Variants in KLB observed in about 807,000 individuals in gnomAD.
KLB encodes klotho beta.
A neutral mutation model predicts 88.4 loss-of-function variants in KLB; 44 were observed. That is an observed-to-expected ratio of 0.50 (90% confidence interval 0.39 to 0.64). The LOEUF is 0.64. Among genes scored for constraint, KLB ranks in the 30% least tolerant of loss-of-function variants. KLB has a pLI of 0.00. For missense variants in KLB, 1,137 were observed against 1,304.8 expected, an observed-to-expected ratio of 0.87 and a Z score of 1.98; for synonymous variants, 548 against 513.4, an observed-to-expected ratio of 1.07 and a Z score of -0.91.
intron 1 of KLB, among the ~76,000 whole-genome samples, chr4:39,424,392 G>C (rs1009650655): frequency 6.6e-6 from 1 of 151,676 alleles, no homozygotes; most frequent in Non-Finnish European, 1.5e-5. Flanking sequence ...TATAGCCTTA[G>C]AGTCCTTTTT....
chr4:39,410,105 C>A (rs1354423872), intron 1 of KLB, among the ~76,000 whole-genome samples: 2 of 151,968 alleles, frequency 1.3e-5, no homozygotes, highest in East Asian at 1.9e-4. Flanking sequence ...GTTTATTTAA[C>A]CTTTGTATAA....
chr4:39,434,574 GA>G lies in KLB; in HGVS notation c.1191del (p.Glu398LysfsTer3), dbSNP rs1743430359. 1 of 1,614,038 alleles carries G rather than the reference GA, an allele frequency of 6.2e-7. No homozygotes were observed. On this transcript the variant is annotated frameshift_variant, in exon 2 of 5. Coordinates refer to ENST00000257408, the MANE Select transcript of KLB (RefSeq NM_175737.4). LOFTEE classifies it high-confidence loss of function. ...GGACAAAATGTTTCACTTAATTTAAGAGAAGCGCTGAACTGGATTAAACTGG... is the reference window on the plus strand; with the variant it reads ...GGACAAAATGTTTCACTTAATTTAAGGAAGCGCTGAACTGGATTAAACTGG... ...KMGQNVSLNL[R>X]EALNWIKLEY...
chr4:39,416,863 C>T (rs1046564347), intron 1 of KLB, among the ~76,000 whole-genome samples: 2 of 152,166 alleles, frequency 1.3e-5, no homozygotes, highest in Middle Eastern at 3.2e-3. Flanking sequence ...TCTTTGCCAA[C>T]GGACTGCTGC....
At chr4:39,430,122 G>A (rs1484882618) in intron 1 of KLB, among the ~76,000 whole-genome samples, 3 of 152,272 alleles carry the variant, frequency 2.0e-5, no homozygotes, top group South Asian at 2.1e-4. Flanking sequence ...TTTTTATCAC[G>A]ACTTAGGTCA....
chr4:39,428,767 C>T (rs918668831), intron 1 of KLB, among the ~76,000 whole-genome samples: 4 of 152,158 alleles, frequency 2.6e-5, no homozygotes, highest in Admixed American at 6.6e-5. Context: ...AGCGCAGTGG[C>T]GTGATCTCGG....
Position 39,407,654 on chromosome 4 carries a change from T to C in KLB, c.705T>C (p.Tyr235=), listed in dbSNP as rs1742759986. 4.3e-6 allele frequency: 7 copies of C among 1,613,928 alleles called. No homozygotes were observed. Among genetic ancestry groups the C allele is most frequent in the Non-Finnish European group, 5.9e-6 (7 of 1,179,912 alleles). Residue 235 remains tyrosine (Y), a synonymous_variant, in exon 1 of 5, where the codon TAT becomes TAC. Coordinates refer to ENST00000257408, the MANE Select transcript of KLB (RefSeq NM_175737.4). ...CFQMFGDRVK[Y]WITIHNPYLV... The stretch of plus-strand genomic sequence containing the variant: ...AGATGTTTGGGGACCGTGTCAAATA[T>C]TGGATTACAATTCACAACCCATATC...
At chr4:39,438,202 TGATGGA>T (rs1280199796) in intron 3 of KLB, among the ~76,000 whole-genome samples, 1 of 152,128 alleles carries the variant, frequency 6.6e-6, no homozygotes, top group African/African-American at 2.4e-5. Flanking sequence ...TCATAATTGG[TGATGGA>T]GATGGAGAGG....
At position 39,448,955 on chromosome 4, in the gene KLB, A is replaced by G; in HGVS notation, c.*269A>G. The stretch of plus-strand genomic sequence containing the variant: ...TACATTGCTTCTTAAAGTTTCATCA[A>G]CTGTATTCCATCATTCTGCTTTAGC... On this transcript the variant is annotated 3_prime_UTR_variant, in exon 5 of 5. Transcript: ENST00000257408. 1 of 350,186 alleles carries G rather than the reference A, an allele frequency of 2.9e-6. No homozygotes were observed. Among genetic ancestry groups the G allele is most frequent in the East Asian group, 4.8e-5 (1 of 20,816 alleles). The allele number at this position is 350,186 out of a possible 1,614,324, so 21.7% of individuals were successfully genotyped here.
chr4:39,407,021 A>T lies in KLB; in HGVS notation c.72A>T (p.Thr24=). The T allele has an allele frequency of 1.2e-6, 2 of 1,614,140 alleles. No individual in the cohort carries two copies. Among genetic ancestry groups the T allele is most frequent in the South Asian group, 2.2e-5 (2 of 91,072 alleles). ...TCTTCAGCACTGATGAAATAACCAC[A>T]CGCTATAGGAATACAATGTCCAACG... The part of the protein sequence containing the change: ...WIFFSTDEIT[T]RYRNTMSNGG... Residue 24 remains threonine, a synonymous_variant, in exon 1 of 5, where the codon ACA becomes ACT. Transcript: ENST00000257408.
chr4:39,441,140 G>A (rs530924767), intron 3 of KLB, among the ~76,000 whole-genome samples: 22 of 152,278 alleles, frequency 1.4e-4, no homozygotes, highest in African/African-American at 4.8e-4. Context: ...ACAGGTGTGA[G>A]GCACTGCACC....
chr4:39,448,895 C>T lies in KLB; in HGVS notation c.*209C>T. The T allele has an allele frequency of 1.9e-6, 1 of 536,242 alleles. No homozygotes were observed. The highest frequency in any genetic ancestry group is 3.3e-6 in the Non-Finnish European group (1 of 304,378). The allele number at this position is 536,242 out of a possible 1,614,324, so 33.2% of individuals were successfully genotyped here. A position where few individuals can be genotyped will look rare whatever the true frequency, so the allele number is the denominator to read the frequency against. ...CAGTTCTTGGATGTAAACATAAAGG[C>T]TTCATCCTGACAGTAAGCTATGAGG... On this transcript the variant is annotated 3_prime_UTR_variant, in exon 5 of 5. Transcript: ENST00000257408.
rs1743889458 is a variant in KLB at position 39,451,181 on chromosome 4, C to T, written c.*2495C>T. The T allele has an allele frequency of 6.6e-6, 1 of 152,126 alleles. No individual in the cohort carries two copies. The highest frequency in any genetic ancestry group is 1.5e-5 in the Non-Finnish European group (1 of 68,036). The allele number at this position is 152,126 out of a possible 1,614,324, so 9.4% of individuals were successfully genotyped here. Reference sequence around the variant, plus strand: ...TCCAAAAACCCTTAAATTTTTTAACCACTGGCAAATATGTACAGCAAATTA... The same window carrying T: ...TCCAAAAACCCTTAAATTTTTTAACTACTGGCAAATATGTACAGCAAATTA... On this transcript the variant is annotated 3_prime_UTR_variant, in exon 5 of 5. Coordinates refer to ENST00000257408, the MANE Select transcript of KLB (RefSeq NM_175737.4).
chr4:39,418,390 C>T (rs1358879907), intron 1 of KLB, among the ~76,000 whole-genome samples: 1 of 152,004 alleles, frequency 6.6e-6, no homozygotes, highest in Non-Finnish European at 1.5e-5. Flanking sequence ...CAGGCGTGAG[C>T]CACCGTGCCA....
chr4:39,432,114 C>G lies in KLB; in HGVS notation c.826-2096C>G, dbSNP rs555073393. Among the ~76,000 whole-genome samples the G allele has an allele frequency of 5.9e-5, 9 of 152,214 alleles. No individual in the cohort carries two copies. The East Asian group carries it at 1.5e-3, about 26-fold the overall frequency. ...CCAGCCTGGCCAACATGGTGGAGCC[C>G]CACCTCTACTAAAAATACAAAAATT... On this transcript the variant is annotated intron_variant, in intron 1 of 4. Coordinates refer to ENST00000257408, the MANE Select transcript of KLB (RefSeq NM_175737.4).
Position 39,437,765 on chromosome 4 carries a change from G to T in KLB, c.1375G>T (p.Ala459Ser), listed in dbSNP as rs1356375826. Residue 459 changes from alanine (A) to serine (S), a missense_variant, in exon 3 of 5, where the codon GCC becomes TCC. Transcript: ENST00000257408. ...LDEIRVFGYT[A>S]WSLLDGFEWQ... ...TGAAATACGAGTGTTTGGTTATACT[G>T]CCTGGTCTCTCCTGGATGGCTTTGA... 3 of 1,613,740 alleles carry T rather than the reference G, an allele frequency of 1.9e-6. No individual in the cohort carries two copies. In the African/African-American group the frequency reaches 4.0e-5, roughly 22 times the overall value.
In KLB at chr4:39,443,377, C is replaced by A. The variant is rs139421874; in HGVS notation, c.1606-2955C>A. Among the ~76,000 whole-genome samples the A allele has an allele frequency of 1.5e-4, 23 of 151,020 alleles. No individual in the cohort carries two copies. The East Asian group carries it at 4.5e-3, about 29-fold the overall frequency. ...AGACCCTGTCCCTCCTCCCTACTCCCCCCAAAAAAAAGAAAAAAGAAAAAA... is the reference window on the plus strand; with the variant it reads ...AGACCCTGTCCCTCCTCCCTACTCCACCCAAAAAAAAGAAAAAAGAAAAAA... On this transcript the variant is annotated intron_variant, in intron 3 of 4. Transcript: ENST00000257408.
rs1742991752 is a variant in KLB at position 39,417,593 on chromosome 4, C to G, written c.825+9819C>G. Reference sequence around the variant, plus strand: ...TACAGGCATGAGCCATTGCACCCAGCCCAAAATGCTTTTTTAAAAAAAAGA... The same window carrying G: ...TACAGGCATGAGCCATTGCACCCAGGCCAAAATGCTTTTTTAAAAAAAAGA... On this transcript the variant is annotated intron_variant, in intron 1 of 4. Coordinates refer to ENST00000257408, the MANE Select transcript of KLB (RefSeq NM_175737.4). Among the ~76,000 whole-genome samples, 2 of 151,852 alleles carry G rather than the reference C, an allele frequency of 1.3e-5. 1 individual carries two copies. Among genetic ancestry groups the G allele is most frequent in the Admixed American group, 1.3e-4 (2 of 15,228 alleles).
intron 3 of KLB, among the ~76,000 whole-genome samples, chr4:39,443,773 A>G (rs922732480): frequency 1.3e-4 from 19 of 150,210 alleles, no homozygotes; most frequent in East Asian, 6.0e-4. Context: ...AAAAAAAAAA[A>G]AAAAGAAAAA....
At chr4:39,448,113 A>G (rs1209280277) in intron 4 of KLB, among the ~76,000 whole-genome samples, 188 bp from the exon 5 acceptor site, 1 of 152,188 alleles carries the variant, frequency 6.6e-6, no homozygotes, top group East Asian at 1.9e-4. Flanking sequence ...TCAGACTTAA[A>G]TTATACATAT....
Sources: gnomAD v4.1 joint callset for allele counts (sites outside exome capture counted in the v4.1 genomes callset) on GRCh38, gnomAD v4.1.1 for gene constraint, MANE v1.5 for transcripts, NCBI Gene and HGNC (gene_info 2026-07-23, HGNC 2026-07-21) for gene names.